CAPZA2: variants seen among roughly 807,000 people sequenced by gnomAD.
CAPZA2 encodes the protein F-actin-capping protein subunit alpha-2.
In CAPZA2, 13 loss-of-function variants were observed where a neutral mutation model predicts 44.0. That is an observed-to-expected ratio of 0.30 (90% CI 0.19 to 0.47). The LOEUF (loss-of-function observed/expected upper bound fraction) is 0.47, where lower values mean the gene tolerates loss of function less well. Among genes scored for constraint, CAPZA2 ranks in the 20% least tolerant of loss-of-function variants. The pLI is 1.00. For synonymous variants in CAPZA2, 94 were observed against 108.2 expected, an observed-to-expected ratio of 0.87 and a Z score of 0.81; for missense variants, 244 against 338.6, an observed-to-expected ratio of 0.72 and a Z score of 2.19.
chr7:116,893,190 G>C, intron 3 of CAPZA2, 145 bp downstream of exon 3: 2 of 478,862 alleles, frequency 4.2e-6, no homozygotes, highest in South Asian at 3.4e-5. Context: ...GAGTTCAGTG[G>C]TGCGATCTCG....
intron 1 of CAPZA2, chr7:116,875,172 C>G (rs1356658936): frequency 1.3e-5 from 2 of 151,224 alleles, no homozygotes; most frequent in East Asian, 1.9e-4. Flanking sequence ...CTTGCCTGAA[C>G]TGTTTATGAC....
At chr7:116,905,023 TC>T (rs1791472997) in intron 5 of CAPZA2, among the ~76,000 whole-genome samples, 1 of 145,034 alleles carries the variant, frequency 6.9e-6, no homozygotes, top group Non-Finnish European at 1.5e-5. Flanking sequence ...GTGCCTGTAG[TC>T]CCAGCTACTC....
intron 1 of CAPZA2, chr7:116,875,388 TGAG>T (rs1228434410): frequency 6.6e-6 from 1 of 152,180 alleles, no homozygotes; most frequent in Non-Finnish European, 1.5e-5. Flanking sequence ...CTCTACAGGT[TGAG>T]GAGTAGAAAC....
intron 9 of CAPZA2, 107 bp downstream of exon 9, chr7:116,916,229 C>A: frequency 8.5e-7 from 1 of 1,175,658 alleles, no homozygotes; most frequent in Non-Finnish European, 1.1e-6. Flanking sequence ...CAGTTAGAGT[C>A]TTTTTGTTGT....
chr7:116,910,017 T>G, intron 6 of CAPZA2: 2 of 525,888 alleles, frequency 3.8e-6, no homozygotes, highest in Non-Finnish European at 6.9e-6. Context: ...ATCCATTATG[T>G]AAGTTCTTTC....
intron 4 of CAPZA2, among the ~76,000 whole-genome samples, chr7:116,903,169 T>C (rs960914707): frequency 6.6e-6 from 1 of 152,136 alleles, no homozygotes; most frequent in African/African-American, 2.4e-5. Flanking sequence ...GTGAGAAATA[T>C]ATCACTTGAC....
intron 2 of CAPZA2, 27 bp downstream of exon 2, chr7:116,888,217 C>T (rs1465751876): frequency 6.8e-7 from 1 of 1,467,412 alleles, no homozygotes; most frequent in East Asian, 2.3e-5. Context: ...TAACACTAGG[C>T]TTGATATATC....
At chr7:116,878,018 T>C (rs1344477220) in intron 1 of CAPZA2, among the ~76,000 whole-genome samples, 1 of 152,216 alleles carries the variant, frequency 6.6e-6, no homozygotes, top group Non-Finnish European at 1.5e-5. Context: ...TGTGACTGAC[T>C]GTAGGAGAGA....
Position 116,885,197 on chromosome 7 carries a change from C to T in CAPZA2, c.40-2930C>T, listed in dbSNP as rs577348049. 4.6e-5 allele frequency among the ~76,000 whole-genome samples: 7 copies of T among 151,990 alleles called. 1 individual carries two copies. The South Asian group carries it at 1.5e-3, about 32-fold the overall frequency. ...TAAACTTGTCTTTTCATTCTCTTAA[C>T]AGAAGTCTTCCACAGAGCAGGTTTT... On this transcript the variant is annotated intron_variant, in intron 1 of 9. Transcript: ENST00000361183.
chr7:116,872,285 C>T (rs563318317), intron 1 of CAPZA2, among the ~76,000 whole-genome samples: 189 of 152,024 alleles, frequency 1.2e-3, no homozygotes, highest in South Asian at 1.9e-3. Flanking sequence ...AAATTGAAAA[C>T]GTAAGATAAA....
intron 1 of CAPZA2, among the ~76,000 whole-genome samples, chr7:116,863,828 A>G (rs1180482486): frequency 6.6e-6 from 1 of 152,042 alleles, no homozygotes; most frequent in Admixed American, 6.6e-5. Flanking sequence ...GTCTGAGGAT[A>G]TTTTCATTTA....
intron 8 of CAPZA2, among the ~76,000 whole-genome samples, chr7:116,914,738 T>A (rs1249995737): frequency 2.6e-5 from 4 of 152,226 alleles, no homozygotes; most frequent in African/African-American, 9.6e-5. Flanking sequence ...ATTACAGGCA[T>A]GGGCCACCAC....
intron 3 of CAPZA2, among the ~76,000 whole-genome samples, chr7:116,894,724 G>T (rs1181263433): frequency 6.6e-6 from 1 of 152,050 alleles, no homozygotes; most frequent in Non-Finnish European, 1.5e-5. Context: ...GACAACCTAG[G>T]TACCTCTTAT....
intron 1 of CAPZA2, among the ~76,000 whole-genome samples, chr7:116,876,860 T>C (rs574640798): frequency 3.3e-5 from 5 of 152,022 alleles, no homozygotes; most frequent in African/African-American, 1.2e-4. Context: ...CACATGGGAG[T>C]TGTGCTTGAG....
intron 4 of CAPZA2, among the ~76,000 whole-genome samples, chr7:116,902,037 G>A (rs1201098946): frequency 6.6e-6 from 1 of 151,892 alleles, no homozygotes; most frequent in Admixed American, 6.6e-5. Context: ...GTGGTGTATG[G>A]AGTAGACAAA....
intron 7 of CAPZA2, among the ~76,000 whole-genome samples, chr7:116,911,680 T>C (rs1791599096): frequency 6.6e-6 from 1 of 152,188 alleles, no homozygotes; most frequent in Admixed American, 6.6e-5. Context: ...ATTCAGTGTT[T>C]GTTGAGTAAA....
intron 6 of CAPZA2, 23 bp from the exon 7 acceptor site, chr7:116,910,210 C>T (rs1016364590): frequency 3.1e-6 from 4 of 1,300,522 alleles, no homozygotes; most frequent in East Asian, 2.3e-5. Flanking sequence ...ACCTTATTTA[C>T]AGCTGCTGTT....
chr7:116,862,675 C>G (rs1375440087), intron 1 of CAPZA2, 25 bp downstream of exon 1: 1 of 1,533,770 alleles, frequency 6.5e-7, no homozygotes, highest in Admixed American at 2.0e-5. Context: ...GGCGACGGCG[C>G]GGGCTGTCAG....
chr7:116,882,366 TGTTA>T (rs1350249307), intron 1 of CAPZA2, among the ~76,000 whole-genome samples: 3 of 152,302 alleles, frequency 2.0e-5, no homozygotes, highest in Non-Finnish European at 4.4e-5. Flanking sequence ...TTCCTCCATT[TGTTA>T]GTTTATTTCT....
Sources: gnomAD v4.1 joint callset for allele counts (sites outside exome capture counted in the v4.1 genomes callset) on GRCh38, gnomAD v4.1.1 for gene constraint, MANE v1.5 for transcripts, NCBI Gene and HGNC (gene_info 2026-07-23, HGNC 2026-07-21) for gene names.